The following CEP112 variants were observed in gnomAD, a reference collection of about 807,000 sequenced individuals.
CEP112 encodes centrosomal protein 112.
A neutral mutation model predicts 153.0 loss-of-function variants in CEP112; 127 were observed. The observed-to-expected ratio is 0.83, with a 90% CI of 0.72 to 0.96. The LOEUF is 0.96. Among genes scored for constraint, CEP112 ranks in the 40% least tolerant of loss-of-function variants. The probability of loss-of-function intolerance (pLI) is 0.00; values close to 1 mark genes in which losing one functional copy is unlikely to be tolerated. For missense variants in CEP112, 1,089 were observed against 1,101.2 expected, an observed-to-expected ratio of 0.99 and a Z score of 0.16; for synonymous variants, 358 against 374.4, an observed-to-expected ratio of 0.96 and a Z score of 0.51.
chr17:65,740,897 G>T (rs763872719), intron 23 of CEP112, among the ~76,000 whole-genome samples: 4 of 152,194 alleles, frequency 2.6e-5, no homozygotes, highest in Non-Finnish European at 5.9e-5. Context: ...TATCATTCAT[G>T]CAGAGAGAAG....
chr17:66,190,896 G>T (rs117216192), intron 1 of CEP112, among the ~76,000 whole-genome samples: 5,317 of 152,246 alleles, frequency 0.035, 138 homozygotes, highest in Middle Eastern at 0.061. Flanking sequence ...AAACGTTCTT[G>T]GAAGTTGTGT....
rs575904485 is a variant in CEP112 at position 65,860,781 on chromosome 17, T to C, written c.2164-8747A>G. 5.9e-4 allele frequency among the ~76,000 whole-genome samples: 90 copies of C among 152,360 alleles called. 2 individuals are homozygous for C. Among genetic ancestry groups the C allele is most frequent in the Non-Finnish European group, 2.6e-4 (18 of 68,036 alleles). ...CTATATCCAAGAGAAATATAACTTA[T>C]GTTAACACAAAAACTTGTAACATGA... On this transcript the variant is annotated intron_variant, in intron 20 of 26. Coordinates refer to ENST00000535342, the MANE Select transcript of CEP112 (RefSeq NM_001199165.4).
chr17:66,175,176 C>A lies in CEP112; in HGVS notation c.338G>T (p.Gly113Val). 1.9e-6 allele frequency: 3 copies of A among 1,607,584 alleles called. No homozygotes were observed. The highest frequency in any genetic ancestry group is 1.7e-5 in the Admixed American group (1 of 58,440). Residue 113 changes from glycine to valine, a missense_variant, in exon 4 of 27, where the codon GGT (glycine) becomes GTT (valine). Gly to Val is a moderately radical substitution (Grantham distance 109). Coordinates refer to ENST00000535342, the MANE Select transcript of CEP112 (RefSeq NM_001199165.4). ...FDEPNPARAKGSSPEGLPAWV... is the reference protein window; with the variant it reads ...FDEPNPARAKVSSPEGLPAWV... ...GGCTGGTAATCCCTCTGGGCTTGAA[C>A]CTTTTGCTCGTGCTGGATTTGGTTC...
At chr17:66,007,951 T>C (rs909359934) in intron 16 of CEP112, among the ~76,000 whole-genome samples, 3 of 152,180 alleles carry the variant, frequency 2.0e-5, no homozygotes, top group Non-Finnish European at 4.4e-5. Context: ...TTTTTCCTGT[T>C]TCCTAATTTT....
intron 4 of CEP112, among the ~76,000 whole-genome samples, chr17:66,159,927 T>C (rs1204140979): frequency 1.3e-5 from 2 of 151,888 alleles, no homozygotes; most frequent in East Asian, 3.9e-4. Context: ...GACATGACTG[T>C]ATATTTAGAA....
intron 21 of CEP112, among the ~76,000 whole-genome samples, chr17:65,754,286 T>G (rs200479781): frequency 6.6e-6 from 1 of 152,288 alleles, no homozygotes; most frequent in East Asian, 1.9e-4. Flanking sequence ...GCAAAGGCCC[T>G]GAGGCAGAGG....
At chr17:66,115,630 A>C (rs2146409696) in intron 6 of CEP112, among the ~76,000 whole-genome samples, 1 of 152,300 alleles carries the variant, frequency 6.6e-6, no homozygotes, top group East Asian at 1.9e-4. Flanking sequence ...CAGACAATGC[A>C]ATGCTGGACC....
intron 12 of CEP112, among the ~76,000 whole-genome samples, chr17:66,041,584 C>T (rs12601377): frequency 0.41 from 62,396 of 151,844 alleles, 14,273 homozygotes; most frequent in East Asian, 0.87. Flanking sequence ...ATACCCCAAC[C>T]GCAGCATGCA....
chr17:65,999,633 C>T (rs11079619), intron 17 of CEP112, among the ~76,000 whole-genome samples: 62,314 of 150,544 alleles, frequency 0.41, 14,281 homozygotes, highest in East Asian at 0.87. Context: ...GAACTTGTGT[C>T]ATGGGGTTTG....
intron 24 of CEP112, among the ~76,000 whole-genome samples, chr17:65,675,266 C>G (rs1160024797): frequency 6.6e-6 from 1 of 152,138 alleles, no homozygotes; most frequent in Non-Finnish European, 1.5e-5. Flanking sequence ...AAAAGTATAT[C>G]TATAATTAAT....
intron 21 of CEP112, among the ~76,000 whole-genome samples, chr17:65,836,576 A>G (rs1382749568): frequency 6.6e-6 from 1 of 152,198 alleles, no homozygotes; most frequent in Non-Finnish European, 1.5e-5. Flanking sequence ...CAGAAAGATA[A>G]TATAATAATT....
At chr17:65,784,629 T>C (rs1274513117) in intron 21 of CEP112, among the ~76,000 whole-genome samples, 4 of 152,088 alleles carry the variant, frequency 2.6e-5, no homozygotes, top group African/African-American at 9.7e-5. Context: ...TATGGGCGCA[T>C]GCCACCATGC....
intron 8 of CEP112, among the ~76,000 whole-genome samples, chr17:66,077,755 T>G (rs550072599): frequency 1.3e-5 from 2 of 152,342 alleles, no homozygotes; most frequent in Admixed American, 6.5e-5. Flanking sequence ...CTAGGCACAC[T>G]GTCATCAAGT....
At chr17:66,169,103 C>T (rs996957462) in intron 4 of CEP112, among the ~76,000 whole-genome samples, 9 of 152,092 alleles carry the variant, frequency 5.9e-5, no homozygotes, top group African/African-American at 1.9e-4. Context: ...TAAACTCAGG[C>T]ATTCTTTATA....
intron 17 of CEP112, among the ~76,000 whole-genome samples, chr17:65,969,656 T>C (rs533301162): frequency 1.4e-4 from 22 of 152,370 alleles, no homozygotes; most frequent in African/African-American, 4.8e-4. Flanking sequence ...ATATGACATG[T>C]ATAACACTGC....
At chr17:65,806,946 G>A (rs1342557915) in intron 21 of CEP112, among the ~76,000 whole-genome samples, 2 of 152,136 alleles carry the variant, frequency 1.3e-5, no homozygotes, top group Non-Finnish European at 2.9e-5. Flanking sequence ...ACTGGATAAC[G>A]AACAGAGGTT....
At chr17:65,906,652 G>GA (rs965919429) in intron 19 of CEP112, among the ~76,000 whole-genome samples, 2 of 151,956 alleles carry the variant, frequency 1.3e-5, no homozygotes, top group Non-Finnish European at 2.9e-5. Flanking sequence ...GCAATATTCA[G>GA]AAAAAATAGT....
At chr17:65,737,552 C>A (rs1237481473) in intron 23 of CEP112, among the ~76,000 whole-genome samples, 1 of 152,140 alleles carries the variant, frequency 6.6e-6, no homozygotes, top group East Asian at 1.9e-4. Flanking sequence ...ATTACAAACT[C>A]AAAGGAATAG....
chr17:65,948,850 A>G (rs905896403), intron 18 of CEP112, among the ~76,000 whole-genome samples: 10 of 152,180 alleles, frequency 6.6e-5, no homozygotes, highest in Non-Finnish European at 4.4e-5. Context: ...TTTCTAAAAC[A>G]AACTCAAAGC....
Sources: gnomAD v4.1 joint callset for allele counts (sites outside exome capture counted in the v4.1 genomes callset) on GRCh38, gnomAD v4.1.1 for gene constraint, MANE v1.5 for transcripts, NCBI Gene and HGNC (gene_info 2026-07-23, HGNC 2026-07-21) for gene names.